GRIA3: variants seen among roughly 807,000 people sequenced by gnomAD.
GRIA3 encodes glutamate ionotropic receptor AMPA type subunit 3.
Under a neutral mutation model 63.0 loss-of-function variants are expected in GRIA3, and 3 were observed. That is an observed-to-expected ratio of 0.05 (90% CI 0.02 to 0.12). The LOEUF is 0.12. GRIA3 is among the 10% of genes least tolerant of loss of function. The pLI is 1.00. For synonymous variants in GRIA3, 274 were observed against 257.9 expected (o/e 1.06, Z -0.60); for missense variants, 347 against 700.9 (o/e 0.50, Z 5.70).
chrX:123,395,178 T>A, intron 6 of GRIA3, 49 bp downstream of exon 6: 1 of 1,025,950 alleles, frequency 9.7e-7, no homozygotes, highest in Non-Finnish European at 1.4e-6. Flanking sequence ...TTTCAAAGTA[T>A]CTCAGTATGA....
At chrX:123,486,066 A>C (rs1442847690) in intron 15 of GRIA3, among the ~76,000 whole-genome samples, 1 of 104,510 alleles carries the variant, frequency 9.6e-6, no homozygotes, top group Non-Finnish European at 2.0e-5. Context: ...GAAGAAAGGA[A>C]GGAGGGAAGG....
At chrX:123,266,560 T>G (rs191392122) in intron 3 of GRIA3, among the ~76,000 whole-genome samples, 1 of 110,848 alleles carries the variant, frequency 9.0e-6, no homozygotes, top group East Asian at 2.9e-4. Flanking sequence ...CTAACTGATC[T>G]CCCTGATGTT....
At chrX:123,476,739 T>A (rs761000557) in intron 13 of GRIA3, among the ~76,000 whole-genome samples, 2 of 110,971 alleles carry the variant, frequency 1.8e-5, no homozygotes, top group African/African-American at 3.3e-5. Flanking sequence ...ATTTTTCCGA[T>A]CCAAGGCTAA....
At chrX:123,377,742 C>T (rs2045296104) in intron 5 of GRIA3, among the ~76,000 whole-genome samples, 1 of 111,555 alleles carries the variant, frequency 9.0e-6, no homozygotes, top group Non-Finnish European at 1.9e-5. Context: ...TCCTTTATAG[C>T]CCCTCCATCA....
At chrX:123,483,116 T>C in intron 15 of GRIA3, 70 bp downstream of exon 15, 1 of 934,093 alleles carries the variant, frequency 1.1e-6, no homozygotes, top group Non-Finnish European at 1.5e-6. Flanking sequence ...TTCTTCTTTT[T>C]TTTTTTTTTT....
At chrX:123,318,297 G>A (rs762853273) in intron 3 of GRIA3, among the ~76,000 whole-genome samples, 13 of 112,035 alleles carry the variant, frequency 1.2e-4, no homozygotes, top group Non-Finnish European at 2.3e-4. Flanking sequence ...TTAACGTTAG[G>A]CTCCTTGCTA....
At chrX:123,299,839 C>T (rs1402919345) in intron 3 of GRIA3, among the ~76,000 whole-genome samples, 1 of 111,271 alleles carries the variant, frequency 9.0e-6, no homozygotes, top group Non-Finnish European at 1.9e-5. Flanking sequence ...TCACTTTTTC[C>T]CATTCAGTAT....
chrX:123,327,184 A>G (rs1209289066), intron 4 of GRIA3, among the ~76,000 whole-genome samples: 1 of 111,534 alleles, frequency 9.0e-6, no homozygotes, highest in East Asian at 2.8e-4. Context: ...GTGGCATATG[A>G]GAAAAATGTT....
rs943424813 is a variant in GRIA3, at chrX:123,216,643, A to G, written c.268+30653A>G. On this transcript the variant is annotated intron_variant, in intron 2 of 15. Transcript: ENST00000620443. ...TAGTAATTTCTTGTACCTTCCATTT[A>G]ACCCTATGCCAAGCCTCCACCACCA... is the stretch of plus-strand genomic sequence containing the variant. 7.2e-5 allele frequency among the ~76,000 whole-genome samples: 8 copies of G among 111,683 alleles called. 1 individual carries two copies. The Admixed American group carries it at 7.6e-4, about 11-fold the overall frequency.
chrX:123,301,737 A>G (rs2044724427), intron 3 of GRIA3, among the ~76,000 whole-genome samples: 1 of 111,668 alleles, frequency 9.0e-6, no homozygotes, highest in African/African-American at 3.2e-5. Flanking sequence ...ACTCTTTATT[A>G]CATAATTTAA....
intron 3 of GRIA3, among the ~76,000 whole-genome samples, chrX:123,277,363 C>G (rs2044560735): frequency 9.0e-6 from 1 of 111,088 alleles, no homozygotes; most frequent in African/African-American, 3.3e-5. Context: ...TTTCAAGTGC[C>G]CTGCAGTCTG....
At chrX:123,283,176 G>A (rs1185913030) in intron 3 of GRIA3, among the ~76,000 whole-genome samples, 2 of 111,530 alleles carry the variant, frequency 1.8e-5, no homozygotes, top group South Asian at 3.8e-4. Flanking sequence ...AAGGGAAGCC[G>A]TGACAGACTG....
At chrX:123,375,742 G>A (rs1414231921) in intron 5 of GRIA3, among the ~76,000 whole-genome samples, 1 of 111,893 alleles carries the variant, frequency 8.9e-6, no homozygotes, top group Non-Finnish European at 1.9e-5. Flanking sequence ...CATTAGATGG[G>A]AAATAGATGA....
chrX:123,463,569 A>G (rs1289688194), intron 12 of GRIA3, among the ~76,000 whole-genome samples: 2 of 32,641 alleles, frequency 6.1e-5, no homozygotes, highest in African/African-American at 3.4e-4. Context: ...GAAGGAAGGA[A>G]GGAAGGAAGG....
At position 123,488,558 on chromosome X, in the gene GRIA3, T is replaced by A. The variant is rs1393514551; in HGVS notation, c.*3-155T>A. On this transcript the variant is annotated intron_variant, in intron 15 of 15. Coordinates refer to ENST00000620443, the MANE Select transcript of GRIA3 (RefSeq NM_007325.5). The stretch of plus-strand genomic sequence containing the variant: ...ATAGTAGAGAATGTAACCAGACCTG[T>A]CACCTAAAGCCAGTCAAATAAATGA... Among the ~76,000 whole-genome samples the A allele has an allele frequency of 3.6e-5, 4 of 112,206 alleles. No individual in the cohort carries two copies. In the East Asian group the frequency reaches 1.1e-3, roughly 31 times the overall value.
At chrX:123,472,002 T>TGCGTGC (rs1556335403) in intron 13 of GRIA3, among the ~76,000 whole-genome samples, 2 of 65,870 alleles carry the variant, frequency 3.0e-5, no homozygotes, top group African/African-American at 1.1e-4. Context: ...TATATATATA[T>TGCGTGC]ATATATATAT....
Position 123,237,167 on chromosome X carries a change from G to A in GRIA3, c.269-16136G>A, listed in dbSNP as rs1301863945. ...ATTCCAGGATGGGGACACAGCATGA[G>A]AAAATGCTCAGTAGCAGGAATGAAT... is the stretch of plus-strand genomic sequence containing the variant. On this transcript the variant is annotated intron_variant, in intron 2 of 15. Transcript: ENST00000620443. Among the ~76,000 whole-genome samples, 13 of 111,846 alleles carry A rather than the reference G, an allele frequency of 1.2e-4. No homozygotes were observed. The Admixed American group carries it at 1.2e-3, about 11-fold the overall frequency.
At chrX:123,310,231 A>C (rs2044781191) in intron 3 of GRIA3, among the ~76,000 whole-genome samples, 1 of 113,043 alleles carries the variant, frequency 8.8e-6, no homozygotes, top group African/African-American at 3.2e-5. Context: ...TAAGTGACTC[A>C]GGGCTTTCCC....
intron 2 of GRIA3, among the ~76,000 whole-genome samples, chrX:123,232,335 C>A (rs1318768160): frequency 1.8e-5 from 2 of 111,558 alleles, no homozygotes; most frequent in African/African-American, 6.5e-5. Context: ...TCTCAGAGGT[C>A]ATTTCTGTTA....
Sources: gnomAD v4.1 joint callset for allele counts (sites outside exome capture counted in the v4.1 genomes callset) on GRCh38, gnomAD v4.1.1 for gene constraint, MANE v1.5 for transcripts, NCBI Gene and HGNC (gene_info 2026-07-23, HGNC 2026-07-21) for gene names.